The following USP34 variants were observed in gnomAD, a reference collection of about 807,000 sequenced individuals.
USP34 encodes ubiquitin specific peptidase 34, also known as ubiquitin carboxyl-terminal hydrolase 34.
A neutral mutation model predicts 460.3 loss-of-function variants in USP34; 70 were observed. The observed-to-expected ratio is 0.15, with a 90% confidence interval of 0.13 to 0.19. The LOEUF (loss-of-function observed/expected upper bound fraction) is 0.19. Among genes scored for constraint, USP34 ranks in the 10% least tolerant of loss-of-function variants. The pLI is 1.00. For synonymous variants in USP34, 1,647 were observed against 1,405.3 expected (o/e 1.17, Z -3.85); for missense variants, 3,985 against 4,236.2 (o/e 0.94, Z 1.65).
In USP34 at chr2:61,222,749, T is replaced by G. The variant is rs529207158; in HGVS notation, c.7750-86A>C. The G allele has an allele frequency of 3.1e-5, 40 of 1,283,642 alleles. No homozygotes were observed. In the African/African-American group the frequency reaches 5.6e-4, roughly 18 times the overall value. The allele number at this position is 1,283,642 out of a possible 1,614,324, so 79.5% of individuals were successfully genotyped here. The stretch of plus-strand genomic sequence containing the variant: ...TTTCGCTATGTCACCCAGGCTGGGA[T>G]GCAGTGGCGAGATCACAGCTCACTG... On this transcript the variant is annotated intron_variant, in intron 64 of 79. Transcript: ENST00000398571.
At chr2:61,253,562 C>A (rs1267797207) in intron 48 of USP34, among the ~76,000 whole-genome samples, 1 of 152,070 alleles carries the variant, frequency 6.6e-6, no homozygotes, top group Non-Finnish European at 1.5e-5. Flanking sequence ...GAATACCATC[C>A]CTTTCAAATA....
At chr2:61,293,576 T>A in intron 32 of USP34, 26 bp from the exon 33 acceptor site, 1 of 1,577,020 alleles carries the variant, frequency 6.3e-7, no homozygotes, top group Non-Finnish European at 8.7e-7. Flanking sequence ...AAAGTAATAG[T>A]AAGAGAAAAG....
At chr2:61,248,712 A>G (rs1322494240) in intron 48 of USP34, 29 bp from the exon 49 acceptor site, 3 of 1,516,160 alleles carry the variant, frequency 2.0e-6, no homozygotes, top group Non-Finnish European at 2.7e-6. Context: ...ATTAATAAAG[A>G]TTATTTTTTA....
At chr2:61,245,470 T>G (rs1341987773) in intron 50 of USP34, among the ~76,000 whole-genome samples, 182 bp from the exon 51 acceptor site, 5 of 151,846 alleles carry the variant, frequency 3.3e-5, no homozygotes, top group African/African-American at 1.2e-4. Context: ...TAACATATTC[T>G]TAAGCACCTT....
At chr2:61,357,706 AC>A (rs139862521) in intron 10 of USP34, among the ~76,000 whole-genome samples, 4,330 of 152,280 alleles carry the variant, frequency 0.028, 213 homozygotes, top group African/African-American at 0.099. Flanking sequence ...TTCAATACCA[AC>A]CTGAGCAACA....
At chr2:61,412,456 A>G (rs1694069187) in intron 2 of USP34, among the ~76,000 whole-genome samples, 1 of 152,148 alleles carries the variant, frequency 6.6e-6, no homozygotes, top group South Asian at 2.1e-4. Context: ...ATGTATGCAA[A>G]TACATATCAT....
intron 3 of USP34, among the ~76,000 whole-genome samples, chr2:61,404,772 C>A (rs187709164): frequency 6.6e-6 from 1 of 152,166 alleles, no homozygotes; most frequent in South Asian, 2.1e-4. Context: ...TAATAAACCA[C>A]TGTTAAGTCA....
intron 33 of USP34, among the ~76,000 whole-genome samples, chr2:61,290,602 T>C (rs965306965): frequency 1.1e-4 from 17 of 152,078 alleles, no homozygotes; most frequent in African/African-American, 3.9e-4. Context: ...TTTTATAAAA[T>C]GAAAATCTCA....
chr2:61,326,266 G>A (rs1354027584), intron 20 of USP34, among the ~76,000 whole-genome samples: 1 of 152,180 alleles, frequency 6.6e-6, no homozygotes, highest in African/African-American at 2.4e-5. Context: ...GGAGTGCAGT[G>A]ACAGAATCAC....
At chr2:61,337,562 C>G (rs1050590264) in intron 18 of USP34, among the ~76,000 whole-genome samples, 1 of 152,148 alleles carries the variant, frequency 6.6e-6, no homozygotes, top group Non-Finnish European at 1.5e-5. Context: ...ACAAGCAATC[C>G]TCCTACCTCA....
At chr2:61,439,583 C>T (rs997434494) in intron 1 of USP34, among the ~76,000 whole-genome samples, 1 of 152,186 alleles carries the variant, frequency 6.6e-6, no homozygotes, top group Admixed American at 6.5e-5. Flanking sequence ...TCACCACAAG[C>T]AGCTGTGGGT....
intron 51 of USP34, among the ~76,000 whole-genome samples, chr2:61,244,025 A>G (rs1039819254): frequency 1.3e-5 from 2 of 152,144 alleles, no homozygotes; most frequent in African/African-American, 4.8e-5. Context: ...CAGAGTAGAC[A>G]AGAACACCGA....
chr2:61,332,890 C>T (rs970792599), intron 19 of USP34, among the ~76,000 whole-genome samples: 1 of 151,954 alleles, frequency 6.6e-6, no homozygotes, highest in African/African-American at 2.4e-5. Context: ...AGGTATATGA[C>T]TCAGAAGAAT....
intron 16 of USP34, among the ~76,000 whole-genome samples, chr2:61,343,598 A>G (rs1691670348): frequency 6.6e-6 from 1 of 152,318 alleles, no homozygotes; most frequent in East Asian, 1.9e-4. Context: ...TCCCCGCTGA[A>G]TATCTCAATA....
intron 1 of USP34, among the ~76,000 whole-genome samples, chr2:61,453,457 C>A (rs991086134): frequency 6.6e-6 from 1 of 152,030 alleles, no homozygotes; most frequent in Admixed American, 6.6e-5. Context: ...TGCCTGTAAT[C>A]CCAGCACTTT....
Position 61,188,347 on chromosome 2 carries a change from A to T in USP34, c.10396T>A (p.Ser3466Thr), listed in dbSNP as rs1391413260. Reference sequence around the variant, plus strand: ...GAGATAGAAGTAGAAGGGAACTCAGATTCTTCCTCAGCTAGGGTAGAATCC... The same window carrying T: ...GAGATAGAAGTAGAAGGGAACTCAGTTTCTTCCTCAGCTAGGGTAGAATCC... ...SKDSTLAEEE[S>T]EFPSTSISAV... Residue 3466 changes from serine to threonine, a missense_variant, in exon 80 of 80, where the codon TCT (serine) becomes ACT (threonine). By Grantham distance (58) the Ser-to-Thr change is moderately conservative (BLOSUM62 1). Around this residue, in one of 14 missense-constraint regions of USP34, gnomAD observed 506 missense variants for 439.0 expected, o/e 1.15. Coordinates refer to ENST00000398571, the MANE Select transcript of USP34 (RefSeq NM_014709.4). The T allele has an allele frequency of 9.3e-6, 15 of 1,613,698 alleles. No individual in the cohort carries two copies. Among genetic ancestry groups the T allele is most frequent in the Non-Finnish European group, 1.3e-5 (15 of 1,180,036 alleles).
chr2:61,238,310 C>T (rs1009414711), intron 53 of USP34, among the ~76,000 whole-genome samples: 1 of 152,194 alleles, frequency 6.6e-6, no homozygotes, highest in Non-Finnish European at 1.5e-5. Flanking sequence ...CCAATAAGCT[C>T]TGTCCTTCCT....
At chr2:61,374,221 G>A (rs906631920) in intron 8 of USP34, among the ~76,000 whole-genome samples, 2 of 151,214 alleles carry the variant, frequency 1.3e-5, no homozygotes, top group Non-Finnish European at 2.9e-5. Flanking sequence ...CCTTGCCTGA[G>A]GCCAACCCTT....
intron 33 of USP34, among the ~76,000 whole-genome samples, chr2:61,290,519 C>T (rs1558512240): frequency 6.6e-6 from 1 of 152,072 alleles, no homozygotes; most frequent in Admixed American, 6.6e-5. Context: ...CATTTAACAA[C>T]CTCAAAAAGC....
Sources: allele counts gnomAD v4.1 joint callset (sites outside exome capture counted in the v4.1 genomes callset), GRCh38; gene constraint gnomAD v4.1.1; regional missense constraint gnomAD v4.1.1; transcripts MANE v1.5; gene names NCBI Gene and HGNC (gene_info 2026-07-23, HGNC 2026-07-21).